ZFHX3: variants seen among roughly 807,000 people sequenced by gnomAD.
The protein encoded by ZFHX3 is zinc finger homeobox protein 3.
In ZFHX3, 42 loss-of-function variants were observed where a neutral mutation model predicts 279.1. That is an observed-to-expected ratio of 0.15 (90% CI 0.12 to 0.19). The LOEUF is 0.19. ZFHX3 is among the 10% of genes least tolerant of loss of function. The probability of loss-of-function intolerance (pLI) is 1.00; values close to 1 mark genes in which losing one functional copy is unlikely to be tolerated. For missense variants in ZFHX3, 4,981 were observed against 4,754.0 expected, an observed-to-expected ratio of 1.05 and a Z score of -1.40; for synonymous variants, 2,293 against 1,957.8, an observed-to-expected ratio of 1.17 and a Z score of -4.52.
intron 1 of ZFHX3, among the ~76,000 whole-genome samples, chr16:73,713,889 C>G (rs1422038551): frequency 1.3e-5 from 2 of 152,252 alleles, no homozygotes; most frequent in African/African-American, 2.4e-5. Context: ...ACTGCTTTCC[C>G]AATCTGTCAA....
At chr16:73,802,880 C>A (rs1371814463) in intron 1 of ZFHX3, among the ~76,000 whole-genome samples, 2 of 152,206 alleles carry the variant, frequency 1.3e-5, no homozygotes, top group Non-Finnish European at 2.9e-5. Flanking sequence ...TGCAATGGCA[C>A]AATCTCGACT....
chr16:73,130,638 G>T (rs1220119649), intron 7 of ZFHX3, among the ~76,000 whole-genome samples: 1 of 152,174 alleles, frequency 6.6e-6, no homozygotes, highest in Non-Finnish European at 1.5e-5. Flanking sequence ...ATGGAGTCTT[G>T]CTCTGTCTCT....
At chr16:73,569,752 C>G (rs2051715559) in intron 2 of ZFHX3, among the ~76,000 whole-genome samples, 1 of 152,188 alleles carries the variant, frequency 6.6e-6, no homozygotes, top group Non-Finnish European at 1.5e-5. Flanking sequence ...CCTGGATGCA[C>G]AAACATGCGT....
intron 3 of ZFHX3, among the ~76,000 whole-genome samples, chr16:73,366,681 C>T (rs7192204): frequency 2.0e-5 from 3 of 151,326 alleles, no homozygotes; most frequent in African/African-American, 7.3e-5. Flanking sequence ...CCATTAATTA[C>T]GTGATATTGT....
intron 3 of ZFHX3, among the ~76,000 whole-genome samples, chr16:73,360,899 T>A (rs1239477979): frequency 6.6e-6 from 1 of 151,746 alleles, no homozygotes; most frequent in Admixed American, 6.6e-5. Context: ...CAGGGATCCA[T>A]GCAAAAAAAA....
intron 1 of ZFHX3, among the ~76,000 whole-genome samples, chr16:73,779,349 TGAAAA>T (rs1449669299): frequency 6.6e-6 from 1 of 152,144 alleles, no homozygotes; most frequent in Non-Finnish European, 1.5e-5. Context: ...AAGTTAGTGA[TGAAAA>T]GAATTCATCT....
intron 1 of ZFHX3, among the ~76,000 whole-genome samples, chr16:72,997,272 T>G (rs975686364): frequency 6.6e-6 from 1 of 152,144 alleles, no homozygotes; most frequent in Non-Finnish European, 1.5e-5. Flanking sequence ...GGTGCTGTCT[T>G]GCATATGGGC....
At chr16:73,872,603 A>C (rs1252550159) in intron 1 of ZFHX3, among the ~76,000 whole-genome samples, 3 of 151,098 alleles carry the variant, frequency 2.0e-5, no homozygotes, top group African/African-American at 7.3e-5. Context: ...TGAATAGTAC[A>C]TGAATTGTCG....
intron 9 of ZFHX3, among the ~76,000 whole-genome samples, chr16:72,792,848 A>C (rs554739321): frequency 6.6e-6 from 1 of 152,350 alleles, no homozygotes; most frequent in South Asian, 2.1e-4. Context: ...CAGTTTTCTT[A>C]GGGCATAATC....
rs1339501935 is a variant in ZFHX3, at chr16:73,202,939, T to C, written c.-1104+54108A>G. Among the ~76,000 whole-genome samples the C allele has an allele frequency of 3.4e-5, 5 of 148,138 alleles. No homozygotes were observed. The East Asian group carries it at 8.1e-4, about 24-fold the overall frequency. On this transcript the variant is annotated intron_variant, in intron 5 of 17. Coordinates refer to the ZFHX3 transcript ENST00000641206. ...TTTTTTTTTTTTTTGCCTCCACGCC[T>C]TGACATAACTTTTTTTTTTCTTTTT...
At chr16:73,318,846 A>C (rs1392384001) in intron 3 of ZFHX3, among the ~76,000 whole-genome samples, 1 of 152,190 alleles carries the variant, frequency 6.6e-6, no homozygotes, top group Non-Finnish European at 1.5e-5. Flanking sequence ...ACAAAAGGTA[A>C]TAGAACTTTT....
At chr16:73,021,204 T>C (rs530218566) in intron 1 of ZFHX3, among the ~76,000 whole-genome samples, 1 of 152,332 alleles carries the variant, frequency 6.6e-6, no homozygotes, top group South Asian at 2.1e-4. Context: ...TGAAGGGGTT[T>C]AGAGCAGCGA....
chr16:72,806,392 G>A (rs1057195388), intron 7 of ZFHX3, among the ~76,000 whole-genome samples: 2 of 152,292 alleles, frequency 1.3e-5, no homozygotes, highest in East Asian at 3.9e-4. Flanking sequence ...CTGAGAAGGA[G>A]AATGAATTGG....
At chr16:73,136,784 A>G (rs1966804473) in intron 6 of ZFHX3, among the ~76,000 whole-genome samples, 1 of 151,352 alleles carries the variant, frequency 6.6e-6, no homozygotes, top group Admixed American at 6.6e-5. Context: ...TTTTGCACCA[A>G]TCAAATAAGA....
intron 5 of ZFHX3, among the ~76,000 whole-genome samples, chr16:73,229,478 T>C (rs2144928990): frequency 6.6e-6 from 1 of 152,372 alleles, no homozygotes; most frequent in African/African-American, 2.4e-5. Context: ...TTACAATGTA[T>C]AACTACATTA....
chr16:73,530,236 C>T (rs572273087), intron 2 of ZFHX3, among the ~76,000 whole-genome samples: 4 of 152,242 alleles, frequency 2.6e-5, no homozygotes, highest in Non-Finnish European at 4.4e-5. Flanking sequence ...GAGACTTATT[C>T]ACTACCATGA....
At chr16:73,208,461 C>T (rs1159149139) in intron 5 of ZFHX3, among the ~76,000 whole-genome samples, 2 of 152,138 alleles carry the variant, frequency 1.3e-5, no homozygotes, top group African/African-American at 4.8e-5. Flanking sequence ...GAATTCTTCA[C>T]AGTTTTCTAA....
chr16:73,185,784 A>G (rs2144883105), intron 5 of ZFHX3, among the ~76,000 whole-genome samples: 1 of 152,180 alleles, frequency 6.6e-6, no homozygotes, highest in Admixed American at 6.5e-5. Flanking sequence ...GGCCCCCTAG[A>G]TCCCCAGCCA....
chr16:73,248,767 T>A (rs915401031), intron 5 of ZFHX3, among the ~76,000 whole-genome samples: 1 of 152,142 alleles, frequency 6.6e-6, no homozygotes, highest in East Asian at 1.9e-4. Context: ...CTAGACCACA[T>A]GAGTAACGTC....
Sources: allele counts gnomAD v4.1 joint callset (sites outside exome capture counted in the v4.1 genomes callset), GRCh38; gene constraint gnomAD v4.1.1; transcripts MANE v1.5; gene names NCBI Gene and HGNC (gene_info 2026-07-23, HGNC 2026-07-21).